The following EDARADD variants were observed in gnomAD, a reference collection of about 807,000 sequenced individuals.
The protein encoded by EDARADD is ectodysplasin-A receptor-associated adapter protein.
In EDARADD, 20 loss-of-function variants were observed where a neutral mutation model predicts 25.6. The observed-to-expected ratio is 0.78, with a 90% CI of 0.55 to 1.14. The LOEUF (loss-of-function observed/expected upper bound fraction) is 1.14. EDARADD is among the 50% of genes most tolerant of loss of function. The pLI, the probability that EDARADD is intolerant of heterozygous loss-of-function variation, is 0.00. For missense variants in EDARADD, 225 were observed against 270.1 expected, an observed-to-expected ratio of 0.83 and a Z score of 1.17; for synonymous variants, 86 against 94.4, an observed-to-expected ratio of 0.91 and a Z score of 0.52.
chr1:236,376,326 A>C (rs1419890307), intron 3 of EDARADD, among the ~76,000 whole-genome samples: 2 of 152,184 alleles, frequency 1.3e-5, no homozygotes, highest in Non-Finnish European at 2.9e-5. Context: ...AACTTCTTTT[A>C]GCATTTCTTC....
In EDARADD at chr1:236,398,943, C is replaced by T. The variant is rs995825526; in HGVS notation, c.61+4438C>T. Among the ~76,000 whole-genome samples, 1 of 152,084 alleles carries T rather than the reference C, an allele frequency of 6.6e-6. No individual in the cohort carries two copies. The highest frequency in any genetic ancestry group is 1.5e-5 in the Non-Finnish European group (1 of 68,036). On this transcript the variant is annotated intron_variant, in intron 1 of 5. Coordinates refer to ENST00000334232, the MANE Select transcript of EDARADD (RefSeq NM_145861.4). This position sits in a 1 kb window ranked among gnomAD's most constrained non-coding sequence, Gnocchi z 4.1. ...AGCATAGTACTCCGCACATAGTAAG[C>T]CCTGGGCAAATACCACCTCAGTGAA...
rs1667474045 is a variant in EDARADD at position 236,394,300 on chromosome 1, T to C, written c.-145T>C. ...TATCCGAAGGCAGACCAAGAGGAAGTTTATCCTCCCACCTACAAATTCCCC... is the reference window on the plus strand; with the variant it reads ...TATCCGAAGGCAGACCAAGAGGAAGCTTATCCTCCCACCTACAAATTCCCC... On this transcript the variant is annotated 5_prime_UTR_variant, in exon 1 of 6. Coordinates refer to ENST00000334232, the MANE Select transcript of EDARADD (RefSeq NM_145861.4). 1.2e-6 allele frequency: 1 copy of C among 867,994 alleles called. No individual in the cohort carries two copies. Among genetic ancestry groups the C allele is most frequent in the Admixed American group, 2.1e-5 (1 of 46,634 alleles). The allele number at this position is 867,994 out of a possible 1,614,324, so 53.8% of individuals were successfully genotyped here.
chr1:236,459,830 TCTCAAACTCCTGGC>T (rs1658990920), intron 4 of EDARADD, among the ~76,000 whole-genome samples: 1 of 151,922 alleles, frequency 6.6e-6, no homozygotes, highest in South Asian at 2.1e-4. Flanking sequence ...GCCAGACTGG[TCTCAAACTCCTGGC>T]CTTAGGTGAT....
At chr1:236,407,308 T>C (rs1038548282) in intron 1 of EDARADD, among the ~76,000 whole-genome samples, 1 of 152,178 alleles carries the variant, frequency 6.6e-6, no homozygotes, top group Non-Finnish European at 1.5e-5. Context: ...CTTGCCACCT[T>C]CATGCTCTGC....
intron 1 of EDARADD, among the ~76,000 whole-genome samples, chr1:236,400,738 T>TTG (rs1553265109): frequency 5.6e-5 from 8 of 141,818 alleles, no homozygotes; most frequent in African/African-American, 1.9e-4. Flanking sequence ...TTTTTTTTTT[T>TTG]GTATTTTTAG....
At chr1:236,462,518 G>T (rs534222159) in intron 4 of EDARADD, among the ~76,000 whole-genome samples, 13 of 152,020 alleles carry the variant, frequency 8.6e-5, no homozygotes, top group Non-Finnish European at 1.6e-4. Context: ...CCATTCCCCC[G>T]TGGGCTGCAC....
chr1:236,426,045 G>A (rs973687355), intron 3 of EDARADD, among the ~76,000 whole-genome samples: 5 of 151,558 alleles, frequency 3.3e-5, no homozygotes, highest in African/African-American at 9.7e-5. Flanking sequence ...TGGCATGATC[G>A]ATCAGAGCTC....
intron 3 of EDARADD, among the ~76,000 whole-genome samples, chr1:236,421,522 G>A (rs1173900078): frequency 9.4e-6 from 1 of 106,410 alleles, no homozygotes; most frequent in East Asian, 2.9e-4. Context: ...TTTTGAGACA[G>A]AGTCTCACTC....
rs34509027 is a variant in EDARADD, at chr1:236,385,089, C to CTTTTTTTTTTTTT, written c.-5-24122_-5-24110dup. On this transcript the variant is annotated intron_variant, in intron 3 of 7. Transcript: ENST00000439430. ...GATTTTTATTCTATGCCTTTTGATT[C>CTTTTTTTTTTTTT]TTTTTTTTTTTTTTTTTGCCTTAAG... 1.6e-3 allele frequency among the ~76,000 whole-genome samples: 192 copies of CTTTTTTTTTTTTT among 121,938 alleles called. 12 individuals carry two copies. The highest frequency in any genetic ancestry group is 6.2e-3 in the African/African-American group (184 of 29,742). The allele number at this position is 121,938 out of a possible 152,430, so 80.0% of individuals were successfully genotyped here.
At chr1:236,405,824 TC>T in intron 1 of EDARADD, among the ~76,000 whole-genome samples, 1 of 28,256 alleles carries the variant, frequency 3.5e-5, no homozygotes, top group Admixed American at 3.8e-4. Context: ...TTCCTTCCTT[TC>T]CTTCCTTCCT....
chr1:236,422,645 G>A (rs1657811294), intron 3 of EDARADD, among the ~76,000 whole-genome samples: 1 of 152,196 alleles, frequency 6.6e-6, no homozygotes, highest in African/African-American at 2.4e-5. Context: ...GATGTCATCT[G>A]TAAAGTCTAC....
Position 236,395,717 on chromosome 1 carries a change from C to T in EDARADD, c.61+1212C>T. On this transcript the variant is annotated intron_variant, in intron 1 of 5. Coordinates refer to ENST00000334232, the MANE Select transcript of EDARADD (RefSeq NM_145861.4). This position sits in a 1 kb window ranked among gnomAD's most constrained non-coding sequence, Gnocchi z 6.9. ...GAGCGAGCACCGCGGGGCGGGAGCT[C>T]GGGAGGCGCTCGCAGCAGCCGCAGG... 2 of 1,525,224 alleles carry T rather than the reference C, an allele frequency of 1.3e-6. No homozygotes were observed. The highest frequency in any genetic ancestry group is 1.2e-5 in the South Asian group (1 of 82,334). The allele number at this position is 1,525,224 out of a possible 1,614,324, so 94.5% of individuals were successfully genotyped here. A position where few individuals can be genotyped will look rare whatever the true frequency, so the allele number is the denominator to read the frequency against.
intron 1 of EDARADD, among the ~76,000 whole-genome samples, chr1:236,405,026 G>A (rs1306697923): frequency 2.0e-5 from 3 of 151,356 alleles, no homozygotes; most frequent in East Asian, 3.9e-4. Flanking sequence ...CTCAGGAGGC[G>A]GAGATTGGAG....
chr1:236,384,676 A>G (rs1354397105), intron 3 of EDARADD, among the ~76,000 whole-genome samples: 1 of 152,156 alleles, frequency 6.6e-6, no homozygotes, highest in East Asian at 1.9e-4. Context: ...GGTCTGTGCC[A>G]CTGCATCTGG....
chr1:236,432,440 CA>C (rs1395518769), intron 4 of EDARADD, among the ~76,000 whole-genome samples: 1 of 151,328 alleles, frequency 6.6e-6, no homozygotes, highest in Non-Finnish European at 1.5e-5. Context: ...GAATCCATGC[CA>C]AGAGGAGTCT....
intron 3 of EDARADD, among the ~76,000 whole-genome samples, chr1:236,426,037 G>T (rs1657911188): frequency 1.3e-5 from 2 of 151,886 alleles, no homozygotes; most frequent in Non-Finnish European, 2.9e-5. Context: ...GAGTGCAGTG[G>T]CATGATCGAT....
chr1:236,384,858 T>G (rs769819995), intron 3 of EDARADD, among the ~76,000 whole-genome samples: 4 of 152,154 alleles, frequency 2.6e-5, no homozygotes, highest in Non-Finnish European at 5.9e-5. Flanking sequence ...AATTTTCTGT[T>G]TAGTCTTTGT....
chr1:236,421,501 T>C (rs1437672526), intron 3 of EDARADD, among the ~76,000 whole-genome samples: 1 of 109,910 alleles, frequency 9.1e-6, no homozygotes, highest in Non-Finnish European at 1.9e-5. Context: ...TTTTTTTTTT[T>C]TTTTTTTTTT....
chr1:236,408,495 C>T (rs1291982332), intron 1 of EDARADD, among the ~76,000 whole-genome samples: 4 of 152,034 alleles, frequency 2.6e-5, no homozygotes, highest in South Asian at 2.1e-4. Flanking sequence ...TGAGCCACTG[C>T]GTCTGGCCTA....
Sources: allele counts gnomAD v4.1 joint callset (sites outside exome capture counted in the v4.1 genomes callset), GRCh38; gene constraint gnomAD v4.1.1; non-coding constraint Gnocchi (gnomAD v3.1); transcripts MANE v1.5; gene names NCBI Gene and HGNC (gene_info 2026-07-23, HGNC 2026-07-21).